UBR4: variants seen among roughly 807,000 people sequenced by gnomAD.
UBR4 encodes the protein ubiquitin protein ligase E3 component n-recognin 4.
UBR4 carries 124 observed loss-of-function variants against 575.6 expected under a neutral mutation model. The observed-to-expected ratio is 0.22, with a 90% CI of 0.19 to 0.25. The LOEUF is 0.25. Among genes scored for constraint, UBR4 ranks in the 10% least tolerant of loss-of-function variants. The probability of loss-of-function intolerance (pLI) is 1.00; values close to 1 mark genes in which losing one functional copy is unlikely to be tolerated. For synonymous variants in UBR4, 2,455 were observed against 2,473.7 expected (o/e 0.99, Z 0.22); for missense variants, 4,818 against 6,478.8 (o/e 0.74, Z 8.80).
intron 86 of UBR4, 130 bp downstream of exon 86, chr1:19,104,455 A>C: frequency 8.2e-7 from 1 of 1,216,754 alleles, no homozygotes; most frequent in South Asian, 1.5e-5. Flanking sequence ...ACAGAAAAAA[A>C]ATGCAGAGCT....
intron 38 of UBR4, 121 bp from the exon 39 acceptor site, chr1:19,160,402 G>A (rs1166378064): frequency 3.2e-6 from 3 of 950,902 alleles, no homozygotes; most frequent in African/African-American, 3.3e-5. Flanking sequence ...ACTTCCAGTT[G>A]GATATTCTAG....
chr1:19,105,365 CAT>C (rs1354007903), intron 84 of UBR4, among the ~76,000 whole-genome samples, 176 bp from the exon 85 acceptor site: 1 of 152,156 alleles, frequency 6.6e-6, no homozygotes, highest in African/African-American at 2.4e-5. Context: ...GAATTTCCCA[CAT>C]CTAGGAAGCA....
At chr1:19,133,368 CCAG>C (rs1419402603) in intron 60 of UBR4, among the ~76,000 whole-genome samples, 3 of 152,014 alleles carry the variant, frequency 2.0e-5, no homozygotes, top group African/African-American at 4.8e-5. Context: ...TAAAAATCTC[CCAG>C]CAAACTAGGA....
rs1054470360 is a variant in UBR4, at chr1:19,122,722, C to G, written c.9816+111G>C. 3.3e-6 allele frequency: 4 copies of G among 1,208,066 alleles called. No homozygotes were observed. The African/African-American group carries it at 6.0e-5, about 18-fold the overall frequency. The allele number at this position is 1,208,066 out of a possible 1,614,324, so 74.8% of individuals were successfully genotyped here. A position where few individuals can be genotyped will look rare whatever the true frequency, so the allele number is the denominator to read the frequency against. On this transcript the variant is annotated intron_variant, in intron 66 of 105. Coordinates refer to ENST00000375254, the MANE Select transcript of UBR4 (RefSeq NM_020765.3). ...ACCCTCATCTCAGCCCTAACCATGC[C>G]ATTGTCAACACAGTTAAAAGTCCTG...
chr1:19,121,885 G>A lies in UBR4; in HGVS notation c.9895+49C>T, dbSNP rs757413346. ...GCTTGGCATATAGTAGGCCTTAACA[G>A]TTCCTGAATGAATGAATAACAGCAA... On this transcript the variant is annotated intron_variant, in intron 67 of 105. Coordinates refer to ENST00000375254, the MANE Select transcript of UBR4 (RefSeq NM_020765.3). 3.7e-6 allele frequency: 6 copies of A among 1,604,822 alleles called. No homozygotes were observed. The South Asian group carries it at 6.6e-5, about 18-fold the overall frequency.
In UBR4 at chr1:19,106,596, T is replaced by A. The variant is rs2079229418; in HGVS notation, c.12366A>T (p.Lys4122Asn). 5 of 1,584,162 alleles carry A rather than the reference T, an allele frequency of 3.2e-6. No homozygotes were observed. The East Asian group carries it at 1.1e-4, about 35-fold the overall frequency. ...RGKRTSPLDL[K>N]LGHNNWLRQV... ...GTCGCAGCCAGTTGTTATGCCCCAGTTTGAGATCCAAGGGGGAGGTCCTCT... is the reference window on the plus strand; with the variant it reads ...GTCGCAGCCAGTTGTTATGCCCCAGATTGAGATCCAAGGGGGAGGTCCTCT... Residue 4122 changes from lysine to asparagine, a missense_variant, in exon 83 of 106, where the codon AAA becomes AAT. Lys to Asn is a moderately conservative substitution (Grantham distance 94). This residue lies in a region of UBR4 where 178 missense variants were observed against 175.5 expected (regional missense o/e 1.01). Coordinates refer to ENST00000375254, the MANE Select transcript of UBR4 (RefSeq NM_020765.3).
intron 11 of UBR4, among the ~76,000 whole-genome samples, chr1:19,190,066 C>A (rs1454944052): frequency 6.6e-6 from 1 of 151,370 alleles, no homozygotes; most frequent in Non-Finnish European, 1.5e-5. Context: ...GCAGGCAGAT[C>A]ACTTGAGGCC....
rs71030130 is a variant in UBR4 at position 19,115,221 on chromosome 1, ACT to A, written c.11063+175_11063+176del. Among the ~76,000 whole-genome samples the A allele has an allele frequency of 3.8e-3, 539 of 140,812 alleles. 1 individual carries two copies. Among genetic ancestry groups the A allele is most frequent in the Non-Finnish European group, 4.7e-3 (300 of 63,908 alleles). The allele number at this position is 140,812 out of a possible 152,430, so 92.4% of individuals were successfully genotyped here. The stretch of plus-strand genomic sequence containing the variant: ...CATGCACACACACACACACACACAC[ACT>A]CACTCACTCTCTCTTCTTCCTCCTC... On this transcript the variant is annotated intron_variant, in intron 74 of 105. Transcript: ENST00000375254.
At position 19,146,960 on chromosome 1, in the gene UBR4, G is replaced by T; in HGVS notation, c.7670C>A (p.Thr2557Lys). 6.2e-7 allele frequency: 1 copy of T among 1,613,536 alleles called. No homozygotes were observed. Among genetic ancestry groups the T allele is most frequent in the Non-Finnish European group, 8.5e-7 (1 of 1,179,662 alleles). The part of the protein sequence containing the change: ...LLSKAVQCLN[T>K]SSKEGKDLDP... The stretch of plus-strand genomic sequence containing the variant: ...CAAATCCTTGCCCTCTTTGCTAGAT[G>T]TGTTGAGACACTGCACAGCTTTGCT... The change falls in exon 52 of 106, where the codon ACA (threonine) becomes AAA (lysine). Residue 2557 changes from threonine to lysine, a missense_variant. Transcript: ENST00000375254.
intron 14 of UBR4, among the ~76,000 whole-genome samples, chr1:19,186,312 GTAAC>G (rs886759364): frequency 2.0e-5 from 3 of 152,210 alleles, no homozygotes; most frequent in African/African-American, 4.8e-5. Context: ...GGAATGAAAA[GTAAC>G]CCAGGCTTGG....
intron 70 of UBR4, among the ~76,000 whole-genome samples, 193 bp from the exon 71 acceptor site, chr1:19,119,150 T>C (rs2080903716): frequency 6.6e-6 from 1 of 152,246 alleles, no homozygotes; most frequent in Non-Finnish European, 1.5e-5. Flanking sequence ...CCATGAGCTT[T>C]AGTGATAGGT....
rs769718135 is a variant in UBR4, at chr1:19,122,975, C to T, written c.9674G>A (p.Arg3225His). 6 of 1,614,184 alleles carry T rather than the reference C, an allele frequency of 3.7e-6. No individual in the cohort carries two copies. The highest frequency in any genetic ancestry group is 5.1e-6 in the Non-Finnish European group (6 of 1,180,024). ...LFICGSKEKY[R>H]QLRDLHTLDS... ...CAGGGTGTGCAAATCCCGGAGCTGG[C>T]GGTACTTCTCTTTGGATCCACAGAT... The change falls in exon 66 of 106, where the codon CGC (arginine) becomes CAC (histidine). Residue 3225 changes from arginine (R) to histidine (H), a missense_variant. Transcript: ENST00000375254.
At position 19,160,097 on chromosome 1, in the gene UBR4, C is replaced by T. The variant is rs79506878; in HGVS notation, c.5577+14G>A. 6.2e-7 allele frequency: 1 copy of T among 1,605,234 alleles called. No homozygotes were observed. Among genetic ancestry groups the T allele is most frequent in the Non-Finnish European group, 8.5e-7 (1 of 1,175,482 alleles). ...TCCCACAGCCACCAAACATCATGGCCCCAAGACACTCACCATCAGCTGGTC... is the reference window on the plus strand; with the variant it reads ...TCCCACAGCCACCAAACATCATGGCTCCAAGACACTCACCATCAGCTGGTC... On this transcript the variant is annotated intron_variant, in intron 39 of 105. Coordinates refer to ENST00000375254, the MANE Select transcript of UBR4 (RefSeq NM_020765.3).
chr1:19,158,752 T>G, intron 39 of UBR4, among the ~76,000 whole-genome samples: 1 of 151,752 alleles, frequency 6.6e-6, no homozygotes, highest in South Asian at 2.1e-4. Flanking sequence ...CATGAGCCAC[T>G]GCACCTGGCA....
At chr1:19,123,853 G>T (rs995968023) in intron 65 of UBR4, among the ~76,000 whole-genome samples, 1 of 152,200 alleles carries the variant, frequency 6.6e-6, no homozygotes, top group Non-Finnish European at 1.5e-5. Flanking sequence ...TAAAGCCATT[G>T]TCTCTCAGTT....
Position 19,167,063 on chromosome 1 carries a change from A to G in UBR4, c.4068T>C (p.Thr1356=). 1 of 1,614,238 alleles carries G rather than the reference A, an allele frequency of 6.2e-7. No individual in the cohort carries two copies. Among genetic ancestry groups the G allele is most frequent in the Admixed American group, 1.7e-5 (1 of 60,022 alleles). ...GATTGGCCAGAATGTTGTAACAACC[A>G]GTGATCAGCTTCTCATAAACACGAG... is the stretch of plus-strand genomic sequence containing the variant. The part of the protein sequence containing the change: ...FLARVYEKLI[T]GCYNILANHA... Residue 1356 remains threonine, a synonymous_variant, in exon 29 of 106, where the codon ACT becomes ACC. Coordinates refer to ENST00000375254, the MANE Select transcript of UBR4 (RefSeq NM_020765.3).
At chr1:19,114,768 G>C (rs371681583) in intron 75 of UBR4, 43 bp downstream of exon 75, 1 of 1,610,346 alleles carries the variant, frequency 6.2e-7, no homozygotes, top group Non-Finnish European at 8.5e-7. Flanking sequence ...CCAAAGTCCA[G>C]ATCAAGGCCA....
At chr1:19,140,370 A>C (rs1365743091) in intron 58 of UBR4, among the ~76,000 whole-genome samples, 1 of 152,240 alleles carries the variant, frequency 6.6e-6, no homozygotes, top group African/African-American at 2.4e-5. Flanking sequence ...TCTGAAGTAT[A>C]ATCTAGCTTC....
chr1:19,188,295 T>G (rs139926760), intron 11 of UBR4, among the ~76,000 whole-genome samples: 2,995 of 152,330 alleles, frequency 0.02, 41 homozygotes, highest in South Asian at 0.056. Context: ...GGCTCATGCC[T>G]ATAATCCCAG....
Sources: gnomAD v4.1 joint callset for allele counts (sites outside exome capture counted in the v4.1 genomes callset) on GRCh38, gnomAD v4.1.1 for gene constraint, gnomAD v4.1.1 regional missense constraint, MANE v1.5 for transcripts, NCBI Gene and HGNC (gene_info 2026-07-23, HGNC 2026-07-21) for gene names.